Variants in DNAH5 observed in about 807,000 individuals in gnomAD.
The protein encoded by DNAH5 is axonemal beta dynein heavy chain 5.
Under a neutral mutation model 518.2 loss-of-function variants are expected in DNAH5, and 372 were observed. The ratio of observed to expected loss-of-function variants is 0.72; its 90% CI spans 0.66 to 0.78. The LOEUF is 0.78. Among genes scored for constraint, DNAH5 ranks in the 30% least tolerant of loss-of-function variants. DNAH5 has a pLI of 0.00. For synonymous variants in DNAH5, 2,039 were observed against 2,025.9 expected (o/e 1.01, Z -0.17); for missense variants, 5,523 against 5,687.0 (o/e 0.97, Z 0.93).
At chr5:13,765,090 T>G (rs1185705997) in intron 59 of DNAH5, among the ~76,000 whole-genome samples, 1 of 152,226 alleles carries the variant, frequency 6.6e-6, no homozygotes, top group African/African-American at 2.4e-5. Flanking sequence ...CACTACACAG[T>G]GGCTGCTACC....
chr5:13,765,214 T>G (rs1363019954), intron 59 of DNAH5, among the ~76,000 whole-genome samples: 3 of 152,198 alleles, frequency 2.0e-5, no homozygotes, highest in African/African-American at 7.2e-5. Context: ...TTTTTTCTTT[T>G]TTTTGTTTTC....
chr5:13,725,909 C>T (rs1184732110), intron 70 of DNAH5, among the ~76,000 whole-genome samples: 1 of 152,212 alleles, frequency 6.6e-6, no homozygotes, highest in African/African-American at 2.4e-5. Context: ...GCCTCAGCCT[C>T]CCAAAGTGCT....
intron 68 of DNAH5, among the ~76,000 whole-genome samples, chr5:13,730,314 G>A (rs1003655148): frequency 2.6e-5 from 4 of 152,166 alleles, no homozygotes; most frequent in Admixed American, 6.5e-5. Context: ...GTGAGCAATC[G>A]TTATTTTAAG....
intron 37 of DNAH5, 134 bp downstream of exon 37, chr5:13,829,891 CA>C: frequency 1.0e-6 from 1 of 991,602 alleles, no homozygotes; most frequent in African/African-American, 1.7e-5. Context: ...TGCTTAACAC[CA>C]AAAGGTTTTC....
intron 1 of DNAH5, among the ~76,000 whole-genome samples, chr5:13,942,583 G>A (rs989620409): frequency 9.9e-5 from 15 of 152,146 alleles, no homozygotes; most frequent in Non-Finnish European, 4.4e-5. Flanking sequence ...CCCCTGTAGA[G>A]GGTACTCAAT....
At chr5:13,869,682 T>C (rs1769798434) in intron 24 of DNAH5, among the ~76,000 whole-genome samples, 1 of 152,178 alleles carries the variant, frequency 6.6e-6, no homozygotes. Context: ...TGGAAAGAAA[T>C]ATACCAACCT....
intron 34 of DNAH5, 58 bp downstream of exon 34, chr5:13,840,848 C>A: frequency 7.3e-7 from 1 of 1,372,174 alleles, no homozygotes; most frequent in East Asian, 2.3e-5. Flanking sequence ...TGGGTAAATG[C>A]AGATAGTGTC....
At chr5:13,803,938 C>T (rs1488006063) in intron 47 of DNAH5, among the ~76,000 whole-genome samples, 1 of 152,156 alleles carries the variant, frequency 6.6e-6, no homozygotes, top group Non-Finnish European at 1.5e-5. Context: ...AAACCTATTG[C>T]TATGCAACCA....
intron 69 of DNAH5, among the ~76,000 whole-genome samples, chr5:13,728,143 G>A (rs1746006406): frequency 6.6e-6 from 1 of 152,006 alleles, no homozygotes. Flanking sequence ...TATTAATCTA[G>A]AGTAATTGGA....
chr5:13,782,797 G>A (rs1386802561), intron 52 of DNAH5, among the ~76,000 whole-genome samples: 1 of 152,152 alleles, frequency 6.6e-6, no homozygotes, highest in African/African-American at 2.4e-5. Context: ...GAACAGAGAA[G>A]GCTTGCAAAG....
chr5:13,719,390 T>C (rs531851190), intron 71 of DNAH5, among the ~76,000 whole-genome samples: 6 of 152,200 alleles, frequency 3.9e-5, no homozygotes, highest in Non-Finnish European at 5.9e-5. Flanking sequence ...CAAGTAAAGA[T>C]GGCTGATTGA....
chr5:13,901,603 A>C, intron 13 of DNAH5, 30 bp from the exon 14 acceptor site: 1 of 1,397,862 alleles, frequency 7.2e-7, no homozygotes, highest in Non-Finnish European at 1.0e-6. Flanking sequence ...AAAAGCTTGA[A>C]TTAATGGAAT....
rs1034410757 is a variant in DNAH5 at position 13,902,033 on chromosome 5, C to A, written c.1730+20G>T. ...AACTATCCCAATTTTAGAAAATAGA[C>A]AATTTCTTGAAAATTTTACCTTTCA... On this transcript the variant is annotated intron_variant, in intron 13 of 78. Transcript: ENST00000265104. The A allele has an allele frequency of 1.1e-5, 16 of 1,499,218 alleles. No individual in the cohort carries two copies. The highest frequency in any genetic ancestry group is 8.7e-5 in the Admixed American group (5 of 57,296). 92.9% of individuals were successfully genotyped at this position (1,499,218 alleles called of 1,614,324 possible). A position where few individuals can be genotyped will look rare whatever the true frequency, so the allele number is the denominator to read the frequency against.
At position 13,863,583 on chromosome 5, in the gene DNAH5, A is replaced by G. The variant is rs150270953; in HGVS notation, c.4596+814T>C. Among the ~76,000 whole-genome samples the G allele has an allele frequency of 1.2e-4, 18 of 151,686 alleles. No individual in the cohort carries two copies. The East Asian group carries it at 3.5e-3, about 29-fold the overall frequency. On this transcript the variant is annotated intron_variant, in intron 28 of 78. Coordinates refer to ENST00000265104, the MANE Select transcript of DNAH5 (RefSeq NM_001369.3). Reference sequence around the variant, plus strand: ...TCCCTTCATCACCGAATTCTCCTCAAATATCCCTGATCCTTTCTCTCCTCT... The same window carrying G: ...TCCCTTCATCACCGAATTCTCCTCAGATATCCCTGATCCTTTCTCTCCTCT...
At chr5:13,764,780 C>T (rs764023466) in intron 59 of DNAH5, among the ~76,000 whole-genome samples, 2 of 152,144 alleles carry the variant, frequency 1.3e-5, no homozygotes. Flanking sequence ...TAAATTAATA[C>T]TAAGCCCAAA....
At chr5:13,929,241 G>T (rs1002779617) in intron 2 of DNAH5, among the ~76,000 whole-genome samples, 2 of 152,170 alleles carry the variant, frequency 1.3e-5, no homozygotes, top group African/African-American at 4.8e-5. Flanking sequence ...CCAAAAAGAT[G>T]AACACTGCAT....
At chr5:13,923,532 A>G in intron 3 of DNAH5, 92 bp from the exon 4 acceptor site, 1 of 1,431,144 alleles carries the variant, frequency 7.0e-7, no homozygotes, top group South Asian at 1.2e-5. Flanking sequence ...AAATATTGCC[A>G]TTGTTGACTT....
rs1757363484 is a variant in DNAH5 at position 13,793,641 on chromosome 5, TGTCCAC to T, written c.8092_8097del (p.Val2698_Asp2699del). ...TGGATCATGGCTGCCAAAAACTGGA[TGTCCAC>T]GATGCTGGTGAACTCCCCAGGCTTC... On this transcript the variant is annotated inframe_deletion, in exon 49 of 79. Coordinates refer to ENST00000265104, the MANE Select transcript of DNAH5 (RefSeq NM_001369.3). The T allele has an allele frequency of 6.2e-7, 1 of 1,614,198 alleles. No homozygotes were observed. The highest frequency in any genetic ancestry group is 8.5e-7 in the Non-Finnish European group (1 of 1,180,028).
At chr5:13,815,115 G>C (rs371966996) in intron 42 of DNAH5, among the ~76,000 whole-genome samples, 72 of 152,216 alleles carry the variant, frequency 4.7e-4, no homozygotes, top group African/African-American at 1.6e-3. Context: ...ACTGTTCTAG[G>C]GGCTGAGGAT....
Sources: allele counts gnomAD v4.1 joint callset (sites outside exome capture counted in the v4.1 genomes callset), GRCh38; gene constraint gnomAD v4.1.1; transcripts MANE v1.5; gene names NCBI Gene and HGNC (gene_info 2026-07-23, HGNC 2026-07-21).